CNTNAP2: variants seen among roughly 807,000 people sequenced by gnomAD.
CNTNAP2 encodes contactin associated protein 2, also known as contactin-associated protein-like 2.
Under a neutral mutation model 155.2 loss-of-function variants are expected in CNTNAP2, and 98 were observed. The observed-to-expected ratio is 0.63, with a 90% CI of 0.54 to 0.75. The LOEUF (loss-of-function observed/expected upper bound fraction) is 0.75. Among genes scored for constraint, CNTNAP2 ranks in the 30% least tolerant of loss-of-function variants. The pLI is 0.00. For missense variants in CNTNAP2, 1,727 were observed against 1,688.1 expected, an observed-to-expected ratio of 1.02 and a Z score of -0.40; for synonymous variants, 651 against 631.2, an observed-to-expected ratio of 1.03 and a Z score of -0.47.
intron 3 of CNTNAP2, among the ~76,000 whole-genome samples, chr7:146,920,992 A>T (rs1796486803): frequency 2.0e-5 from 3 of 152,198 alleles, no homozygotes; most frequent in Admixed American, 2.0e-4. Context: ...TTTTAGGGCA[A>T]TGTTATGTAA....
intron 3 of CNTNAP2, among the ~76,000 whole-genome samples, chr7:146,881,908 C>T (rs185239053): frequency 1.8e-4 from 28 of 151,990 alleles, no homozygotes; most frequent in Admixed American, 1.4e-3. Flanking sequence ...ATATATTCGT[C>T]GTCTAGATAG....
At chr7:146,362,648 C>A (rs546987102) in intron 1 of CNTNAP2, among the ~76,000 whole-genome samples, 8 of 151,724 alleles carry the variant, frequency 5.3e-5, no homozygotes, top group Non-Finnish European at 1.0e-4. Flanking sequence ...GCCTTGTAAG[C>A]TAAAAATAAA....
intron 1 of CNTNAP2, among the ~76,000 whole-genome samples, chr7:146,540,138 G>A (rs1187642018): frequency 1.3e-5 from 2 of 152,078 alleles, no homozygotes; most frequent in Non-Finnish European, 2.9e-5. Flanking sequence ...GTGATTACAT[G>A]AGCAAGGTCT....
At chr7:148,414,160 T>C (rs1799925012) in intron 23 of CNTNAP2, among the ~76,000 whole-genome samples, 1 of 132,508 alleles carries the variant, frequency 7.5e-6, no homozygotes, top group Non-Finnish European at 1.6e-5. Flanking sequence ...CACTGCAGCC[T>C]CCGCCTCCCA....
At chr7:146,379,870 C>A (rs1795357087) in intron 1 of CNTNAP2, among the ~76,000 whole-genome samples, 1 of 152,130 alleles carries the variant, frequency 6.6e-6, no homozygotes, top group Non-Finnish European at 1.5e-5. Context: ...AAAAAAGACA[C>A]TTCCATAACA....
At chr7:147,176,362 G>T (rs1802338232) in intron 8 of CNTNAP2, among the ~76,000 whole-genome samples, 1 of 151,980 alleles carries the variant, frequency 6.6e-6, no homozygotes, top group Admixed American at 6.6e-5. Flanking sequence ...CTCTTATTCT[G>T]TCATAGGACA....
At chr7:148,151,026 A>T (rs1805286605) in intron 17 of CNTNAP2, among the ~76,000 whole-genome samples, 1 of 151,952 alleles carries the variant, frequency 6.6e-6, no homozygotes, top group African/African-American at 2.4e-5. Flanking sequence ...GGCCTCTTCC[A>T]ATATTAGACA....
intron 11 of CNTNAP2, among the ~76,000 whole-genome samples, chr7:147,518,449 T>C (rs1465803915): frequency 1.3e-5 from 2 of 152,136 alleles, no homozygotes; most frequent in Admixed American, 6.5e-5. Context: ...GTCTGGACTT[T>C]GGGGGCCTGT....
chr7:146,928,381 G>T (rs989202681), intron 3 of CNTNAP2, among the ~76,000 whole-genome samples: 2 of 152,104 alleles, frequency 1.3e-5, no homozygotes, highest in Non-Finnish European at 2.9e-5. Context: ...AAATTTTAAT[G>T]TTGGTCGTTC....
intron 9 of CNTNAP2, among the ~76,000 whole-genome samples, chr7:147,362,887 A>T (rs577606276): frequency 1.1e-4 from 16 of 152,136 alleles, no homozygotes; most frequent in Non-Finnish European, 1.6e-4. Context: ...AGAAGTTAAT[A>T]AAAAAAATTA....
At chr7:146,661,529 T>C (rs1800087663) in intron 1 of CNTNAP2, among the ~76,000 whole-genome samples, 1 of 151,950 alleles carries the variant, frequency 6.6e-6, no homozygotes, top group Non-Finnish European at 1.5e-5. Context: ...AACTATATAG[T>C]TTGTACCCAT....
intron 21 of CNTNAP2, among the ~76,000 whole-genome samples, chr7:148,352,798 T>G (rs1366578339): frequency 1.3e-5 from 2 of 152,214 alleles, no homozygotes; most frequent in African/African-American, 4.8e-5. Context: ...ACTCTCACCA[T>G]GCACCGTGAG....
Position 148,336,915 on chromosome 7 carries a change from C to T in CNTNAP2, c.3476-46734C>T, listed in dbSNP as rs78203119. 2.4e-3 allele frequency among the ~76,000 whole-genome samples: 369 copies of T among 152,298 alleles called. 1 individual carries two copies. Among genetic ancestry groups the T allele is most frequent in the African/African-American group, 8.5e-3 (354 of 41,554 alleles). On this transcript the variant is annotated intron_variant, in intron 21 of 23. Coordinates refer to ENST00000361727, the MANE Select transcript of CNTNAP2 (RefSeq NM_014141.6). ...TCCATTGCATTTGCTAACTGTGAAACGATGGGTAGGTTACTTCACTTCTCT... is the reference window on the plus strand; with the variant it reads ...TCCATTGCATTTGCTAACTGTGAAATGATGGGTAGGTTACTTCACTTCTCT...
chr7:147,971,718 C>T (rs917060684), intron 14 of CNTNAP2, among the ~76,000 whole-genome samples: 4 of 152,154 alleles, frequency 2.6e-5, no homozygotes, highest in African/African-American at 9.7e-5. Flanking sequence ...GCGTGATTTC[C>T]ACTTTGGGCC....
intron 3 of CNTNAP2, among the ~76,000 whole-genome samples, chr7:147,005,662 T>C (rs928713765): frequency 6.6e-6 from 1 of 152,086 alleles, no homozygotes; most frequent in Non-Finnish European, 1.5e-5. Flanking sequence ...TGATAAATTC[T>C]ATTATGCAGA....
rs529316182 is a variant in CNTNAP2, at chr7:146,606,924, C to A, written c.98-167347C>A. 5.3e-5 allele frequency among the ~76,000 whole-genome samples: 8 copies of A among 152,224 alleles called. No individual in the cohort carries two copies. In the South Asian group the frequency reaches 1.7e-3, roughly 32 times the overall value. On this transcript the variant is annotated intron_variant, in intron 1 of 23. Coordinates refer to ENST00000361727, the MANE Select transcript of CNTNAP2 (RefSeq NM_014141.6). The stretch of plus-strand genomic sequence containing the variant: ...GGCATTACAGAAATTCACTGTGATC[C>A]TGCTGACAACTCTTTTGTATAGTCA...
intron 15 of CNTNAP2, among the ~76,000 whole-genome samples, chr7:148,092,014 C>T (rs968307019): frequency 2.0e-5 from 3 of 152,080 alleles, no homozygotes; most frequent in Admixed American, 2.0e-4. Flanking sequence ...GATCCAAAAA[C>T]GAGGAAGGAG....
chr7:146,877,264 G>A (rs1175999824), intron 3 of CNTNAP2, among the ~76,000 whole-genome samples: 2 of 152,110 alleles, frequency 1.3e-5, no homozygotes, highest in African/African-American at 2.4e-5. Flanking sequence ...CACTTTGGGA[G>A]GCTGAGAGGA....
chr7:146,143,560 T>C (rs1440166065), intron 1 of CNTNAP2, among the ~76,000 whole-genome samples: 5 of 152,104 alleles, frequency 3.3e-5, no homozygotes, highest in African/African-American at 1.2e-4. Context: ...TTGAAATTCT[T>C]TTCAGAATGA....
Sources: gnomAD v4.1 joint callset for allele counts (sites outside exome capture counted in the v4.1 genomes callset) on GRCh38, gnomAD v4.1.1 for gene constraint, MANE v1.5 for transcripts, NCBI Gene and HGNC (gene_info 2026-07-23, HGNC 2026-07-21) for gene names.